Variants in ZBTB20 observed in about 807,000 individuals in gnomAD.
ZBTB20 encodes zinc finger and BTB domain containing 20.
ZBTB20 carries 9 observed loss-of-function variants against 56.9 expected under a neutral mutation model. The observed-to-expected ratio is 0.16, with a 90% CI of 0.10 to 0.28. ZBTB20 has a LOEUF of 0.28. Among genes scored for constraint, ZBTB20 ranks in the 10% least tolerant of loss-of-function variants. The pLI, the probability that ZBTB20 is intolerant of heterozygous loss-of-function variation, is 1.00. For missense variants in ZBTB20, 655 were observed against 1,003.0 expected (o/e 0.65, Z 4.69); for synonymous variants, 417 against 420.7 (o/e 0.99, Z 0.11).
intron 5 of ZBTB20, among the ~76,000 whole-genome samples, chr3:114,701,677 A>G (rs2063395066): frequency 6.6e-6 from 1 of 152,124 alleles, no homozygotes; most frequent in African/African-American, 2.4e-5. Context: ...TTGAATCAAG[A>G]TCTGTTTGAC....
rs1320686303 is a variant in ZBTB20, at chr3:114,322,827, T to C, written c.*16178A>G. ...TTCTGAACAATATTTAAACTTGGAA[T>C]AGTAGACTTGGACGGATAGTAAAGA... On this transcript the variant is annotated 3_prime_UTR_variant, in exon 12 of 12. Transcript: ENST00000675478. 2 of 152,196 alleles carry C rather than the reference T, an allele frequency of 1.3e-5. No homozygotes were observed. Among genetic ancestry groups the C allele is most frequent in the African/African-American group, 4.8e-5 (2 of 41,442 alleles). 9.4% of individuals were successfully genotyped at this position (152,196 alleles called of 1,614,324 possible).
intron 5 of ZBTB20, among the ~76,000 whole-genome samples, chr3:114,749,282 G>A (rs369213460): frequency 8.5e-5 from 13 of 152,068 alleles, no homozygotes; most frequent in South Asian, 6.2e-4. Flanking sequence ...AGCTGGGTGC[G>A]GTGGCTCAAG....
intron 2 of ZBTB20, among the ~76,000 whole-genome samples, chr3:115,035,129 A>C (rs1427729266): frequency 1.3e-5 from 2 of 152,134 alleles, no homozygotes; most frequent in Non-Finnish European, 2.9e-5. Flanking sequence ...GGAAGAAAGC[A>C]TGAGGCAAAA....
At position 114,350,863 on chromosome 3, in the gene ZBTB20, T is replaced by C; in HGVS notation, c.1215A>G (p.Glu405=). 2 of 1,610,512 alleles carry C rather than the reference T, an allele frequency of 1.2e-6. No individual in the cohort carries two copies. The highest frequency in any genetic ancestry group is 1.7e-6 in the Non-Finnish European group (2 of 1,179,960). The part of the protein sequence containing the change: ...GPGAARDSQA[E]PTQPEQAAEA... Reference sequence around the variant, plus strand: ...CTGCAGCCTGCTCGGGTTGGGTGGGTTCAGCCTGGCTGTCCCGCGCCGCCC... The same window carrying C: ...CTGCAGCCTGCTCGGGTTGGGTGGGCTCAGCCTGGCTGTCCCGCGCCGCCC... The change falls in exon 11 of 12, where the codon GAA becomes GAG. Residue 405 remains glutamate (E), a synonymous_variant. Transcript: ENST00000675478.
intron 3 of ZBTB20, among the ~76,000 whole-genome samples, chr3:114,931,886 T>G (rs1401671752): frequency 2.6e-5 from 4 of 152,168 alleles, no homozygotes; most frequent in Admixed American, 1.3e-4. Context: ...TACAAAAACT[T>G]TAAATTAAAT....
chr3:114,553,724 AC>A (rs2050855787), intron 6 of ZBTB20, among the ~76,000 whole-genome samples: 1 of 152,292 alleles, frequency 6.6e-6, no homozygotes, highest in East Asian at 1.9e-4. Flanking sequence ...AATTCTGTGA[AC>A]CCATCAGCAA....
At chr3:114,593,850 T>C (rs1396610725) in intron 6 of ZBTB20, among the ~76,000 whole-genome samples, 1 of 152,212 alleles carries the variant, frequency 6.6e-6, no homozygotes, top group Non-Finnish European at 1.5e-5. Flanking sequence ...CTCCGTAATA[T>C]AGTAGATTTT....
Position 114,339,109 on chromosome 3 carries a change from C to T in ZBTB20, c.2122G>A (p.Ala708Thr), listed in dbSNP as rs1267405471. 3 of 1,605,450 alleles carry T rather than the reference C, an allele frequency of 1.9e-6. No individual in the cohort carries two copies. In the Admixed American group the frequency reaches 5.0e-5, roughly 27 times the overall value. Residue 708 changes from alanine (A) to threonine (T), a missense_variant, in exon 12 of 12, where the codon GCC (alanine) becomes ACC (threonine). Physicochemically the swap from Ala to Thr is moderately conservative, Grantham distance 58. This residue lies in a region of ZBTB20 where 89 missense variants were observed against 79.7 expected (regional missense o/e 1.12). Transcript: ENST00000675478. The surrounding 1 kb of genome is among the most constrained non-coding windows in gnomAD (Gnocchi z 4.2). Reference protein sequence around the residue: ...GARAGPPGVVACTEGTTYVCS... With the variant: ...GARAGPPGVVTCTEGTTYVCS... The stretch of plus-strand genomic sequence containing the variant: ...ACGTAAGTGGTCCCCTCCGTGCAGG[C>T]CACCACGCCTGGGGGGCCAGCGCGG...
At chr3:114,873,672 T>C (rs2076091046) in intron 4 of ZBTB20, among the ~76,000 whole-genome samples, 1 of 152,104 alleles carries the variant, frequency 6.6e-6, no homozygotes, top group Admixed American at 6.6e-5. Flanking sequence ...TTCATCTTTG[T>C]CTTAGTTTTG....
intron 4 of ZBTB20, among the ~76,000 whole-genome samples, chr3:114,853,432 ATTGT>A (rs1438763513): frequency 1.3e-5 from 2 of 152,110 alleles, no homozygotes; most frequent in East Asian, 3.9e-4. Flanking sequence ...TTTCTATTTA[ATTGT>A]TTGTTGCACA....
chr3:115,122,561 T>C (rs532155300), intron 1 of ZBTB20, among the ~76,000 whole-genome samples: 1 of 152,138 alleles, frequency 6.6e-6, no homozygotes, highest in South Asian at 2.1e-4. Flanking sequence ...TGGTTCTCCA[T>C]GGATTTTAAT....
At chr3:114,631,900 C>T (rs548057623) in intron 6 of ZBTB20, among the ~76,000 whole-genome samples, 48 of 152,210 alleles carry the variant, frequency 3.2e-4, no homozygotes, top group South Asian at 2.1e-3. Context: ...TTGCCTAATT[C>T]CCTTAAGAAG....
rs1406279349 is a variant in ZBTB20, at chr3:115,055,196, T to TCTCTCTCC, written c.-507+16022_-507+16023insGGAGAGAG. On this transcript the variant is annotated intron_variant, in intron 2 of 11. Coordinates refer to ENST00000675478, the MANE Select transcript of ZBTB20 (RefSeq NM_001348800.3). Reference sequence around the variant, plus strand: ...TTGCTCCCTCCTGGTAATCTCTCTCTCTCTCTCTCTCTCTCTCTCTCTCTC... The same window carrying TCTCTCTCC: ...TTGCTCCCTCCTGGTAATCTCTCTCTCTCTCTCCCTCTCTCTCTCTCTCTCTCTCTCTC... Among the ~76,000 whole-genome samples, 7 of 138,960 alleles carry TCTCTCTCC rather than the reference T, an allele frequency of 5.0e-5. No individual in the cohort carries two copies. The East Asian group carries it at 1.4e-3, about 28-fold the overall frequency. 91.2% of individuals were successfully genotyped at this position (138,960 alleles called of 152,430 possible).
intron 7 of ZBTB20, among the ~76,000 whole-genome samples, chr3:114,482,862 C>T (rs954947772): frequency 1.3e-5 from 2 of 152,126 alleles, no homozygotes; most frequent in Non-Finnish European, 2.9e-5. Context: ...TTTGAAATGC[C>T]AGTGCTATTC....
chr3:114,444,875 C>T (rs553882257), intron 7 of ZBTB20, among the ~76,000 whole-genome samples: 100 of 152,106 alleles, frequency 6.6e-4, no homozygotes, highest in African/African-American at 2.3e-3. Flanking sequence ...AAGTTTTTCT[C>T]GTAAATTTTG....
At chr3:114,453,940 C>T (rs1049950168) in intron 7 of ZBTB20, among the ~76,000 whole-genome samples, 1 of 122,808 alleles carries the variant, frequency 8.1e-6, no homozygotes, top group Non-Finnish European at 1.7e-5. Flanking sequence ...CCCCACCCTT[C>T]CCTTTGTAAA....
intron 5 of ZBTB20, among the ~76,000 whole-genome samples, chr3:114,792,667 A>G (rs928126960): frequency 6.6e-6 from 1 of 152,224 alleles, no homozygotes; most frequent in East Asian, 1.9e-4. Flanking sequence ...GTTTACATGC[A>G]GTGCTCCTAA....
chr3:115,035,544 AACACACAC>A (rs111286494), intron 2 of ZBTB20, among the ~76,000 whole-genome samples: 2 of 147,858 alleles, frequency 1.4e-5, no homozygotes, highest in East Asian at 2.0e-4. Flanking sequence ...GCTACTATCA[AACACACAC>A]ACACACACAC....
intron 4 of ZBTB20, among the ~76,000 whole-genome samples, chr3:114,833,433 A>G (rs1446370486): frequency 1.3e-5 from 2 of 152,176 alleles, no homozygotes; most frequent in Non-Finnish European, 2.9e-5. Flanking sequence ...TAACTTATAT[A>G]CTATTTATTA....
Sources: gnomAD v4.1 joint callset for allele counts (sites outside exome capture counted in the v4.1 genomes callset) on GRCh38, gnomAD v4.1.1 for gene constraint, gnomAD v4.1.1 regional missense constraint, Gnocchi (gnomAD v3.1) non-coding constraint, MANE v1.5 for transcripts, NCBI Gene and HGNC (gene_info 2026-07-23, HGNC 2026-07-21) for gene names.